PIN4: variants seen among roughly 807,000 people sequenced by gnomAD.
PIN4 encodes the protein peptidyl-prolyl cis-trans isomerase NIMA-interacting 4.
In PIN4, 3 loss-of-function variants were observed where a neutral mutation model predicts 8.3. The observed-to-expected ratio is 0.36, with a 90% CI of 0.16 to 0.93. The LOEUF is 0.93. Among genes scored for constraint, PIN4 ranks in the 40% least tolerant of loss-of-function variants. The pLI is 0.44. For synonymous variants in PIN4, 18 were observed against 32.5 expected (o/e 0.55, Z 1.52); for missense variants, 75 against 100.6 (o/e 0.75, Z 1.09).
At chrX:72,197,083 G>A (rs1446529927) in intron 3 of PIN4, 179 bp downstream of exon 3, 1 of 486,604 alleles carries the variant, frequency 2.1e-6, no homozygotes, top group East Asian at 3.8e-5. Flanking sequence ...CTCAAAAGCA[G>A]AAATGTCCAA....
chrX:72,197,998 T>TA lies in PIN4; in HGVS notation c.*473dup. The TA allele has an allele frequency of 1.6e-5, 12 of 751,530 alleles. No individual in the cohort carries two copies. The highest frequency in any genetic ancestry group is 1.9e-5 in the Non-Finnish European group (12 of 634,869). The allele number at this position is 751,530 out of a possible 1,213,427, so 61.9% of individuals were successfully genotyped here. ...TCTGATCTTCCAGGACAGGTGGTAT[T>TA]AGCTCCACTGTCTTAACATAGTACG... On this transcript the variant is annotated 3_prime_UTR_variant, in exon 4 of 4. Transcript: ENST00000373669.
At chrX:72,242,870 G>A (rs897719669) in intron 3 of PIN4, among the ~76,000 whole-genome samples, 5 of 110,652 alleles carry the variant, frequency 4.5e-5, no homozygotes, top group African/African-American at 1.3e-4. Context: ...AAAAATTAGC[G>A]GGTGTGATGG....
At chrX:72,224,606 C>T (rs981905487) in intron 3 of PIN4, among the ~76,000 whole-genome samples, 2 of 111,021 alleles carry the variant, frequency 1.8e-5, no homozygotes, top group African/African-American at 3.3e-5. Flanking sequence ...ATTAACTGGG[C>T]GTGGTGGTGC....
At chrX:72,214,041 C>T (rs2042985456) in intron 3 of PIN4, among the ~76,000 whole-genome samples, 1 of 112,216 alleles carries the variant, frequency 8.9e-6, no homozygotes, top group African/African-American at 3.2e-5. Flanking sequence ...TTTTGATTCT[C>T]CATCAAAATC....
intron 3 of PIN4, among the ~76,000 whole-genome samples, chrX:72,257,825 C>G (rs960904633): frequency 9.0e-6 from 1 of 111,653 alleles, no homozygotes; most frequent in African/African-American, 3.3e-5. Context: ...TAGGAGTACA[C>G]AGGGCTGTTG....
chrX:72,242,746 T>G (rs2043053638), intron 3 of PIN4, among the ~76,000 whole-genome samples: 1 of 112,803 alleles, frequency 8.9e-6, no homozygotes. Context: ...CTGGGCTCAG[T>G]GGCTCACGCC....
Position 72,246,221 on chromosome X carries a change from C to T in PIN4, c.313-16486C>T, listed in dbSNP as rs181635867. 2.7e-5 allele frequency among the ~76,000 whole-genome samples: 3 copies of T among 112,176 alleles called. No individual in the cohort carries two copies. In the East Asian group the frequency reaches 8.5e-4, roughly 32 times the overall value. On this transcript the variant is annotated intron_variant, in intron 3 of 3. Coordinates refer to the PIN4 transcript ENST00000423432. ...CAGAAACCGGGAAGTGTCTTTGAGG[C>T]CTGCCTCATATTTGCCCCTCAAGTT... is the stretch of plus-strand genomic sequence containing the variant.
At chrX:72,189,648 A>G (rs570502494) in intron 2 of PIN4, among the ~76,000 whole-genome samples, 3 of 111,929 alleles carry the variant, frequency 2.7e-5, no homozygotes, top group South Asian at 3.7e-4. Flanking sequence ...TGACACTCAA[A>G]GTAAATGCTC....
At chrX:72,193,268 C>G (rs2042745544) in intron 2 of PIN4, among the ~76,000 whole-genome samples, 1 of 111,076 alleles carries the variant, frequency 9.0e-6, no homozygotes, top group African/African-American at 3.3e-5. Context: ...CAGACAATCA[C>G]TTTGTGAGTA....
intron 2 of PIN4, among the ~76,000 whole-genome samples, chrX:72,190,507 C>T (rs768747244): frequency 9.0e-6 from 1 of 111,639 alleles, no homozygotes; most frequent in South Asian, 3.7e-4. Context: ...TCCTTGAAAA[C>T]GTCTAGCTGG....
chrX:72,193,378 A>G (rs2042746258), intron 2 of PIN4, among the ~76,000 whole-genome samples: 1 of 110,026 alleles, frequency 9.1e-6, no homozygotes, highest in Non-Finnish European at 1.9e-5. Context: ...GTATTCCAGA[A>G]GAAGGCATTA....
intron 3 of PIN4, chrX:72,205,825 A>G: frequency 8.3e-7 from 1 of 1,211,810 alleles, no homozygotes; most frequent in Non-Finnish European, 1.1e-6. Flanking sequence ...AGAGCCACAC[A>G]AGCTATTTTC....
In PIN4 at chrX:72,192,613, C is replaced by T. The variant is rs76760838; in HGVS notation, c.118-4172C>T. On this transcript the variant is annotated intron_variant, in intron 2 of 3. Coordinates refer to ENST00000373669, the MANE Select transcript of PIN4 (RefSeq NM_006223.4). ...CTTTTTTCTTTTTAAGAGACAGGTT[C>T]TTGCTCTGTCACACAGGCCGGGGTG... is the stretch of plus-strand genomic sequence containing the variant. Among the ~76,000 whole-genome samples, 5 of 110,884 alleles carry T rather than the reference C, an allele frequency of 4.5e-5. No homozygotes were observed. The East Asian group carries it at 1.1e-3, about 25-fold the overall frequency.
intron 2 of PIN4, among the ~76,000 whole-genome samples, chrX:72,195,971 T>C (rs1312121514): frequency 9.2e-6 from 1 of 108,718 alleles, no homozygotes; most frequent in Non-Finnish European, 1.9e-5. Flanking sequence ...ATACAAAAAT[T>C]AGCTGGGCGT....
intron 2 of PIN4, among the ~76,000 whole-genome samples, chrX:72,193,800 G>A (rs997524538): frequency 9.2e-6 from 1 of 108,974 alleles, no homozygotes; most frequent in Admixed American, 9.8e-5. Flanking sequence ...TTGAACCTGG[G>A]AGGCGGAGGT....
At chrX:72,232,284 A>AC (rs2147603779) in intron 3 of PIN4, among the ~76,000 whole-genome samples, 1 of 102,333 alleles carries the variant, frequency 9.8e-6, no homozygotes, top group South Asian at 4.5e-4. Flanking sequence ...AAAAAAAAAA[A>AC]AAAAAAAAAA....
Position 72,198,030 on chromosome X carries a change from G to C in PIN4, c.*504G>C. On this transcript the variant is annotated 3_prime_UTR_variant, in exon 4 of 4. Transcript: ENST00000373669. ...ACTGTCTTAACATAGTACGTGGCACGTTATGCCTTTCAGTGTTAACTCCTT... is the reference window on the plus strand; with the variant it reads ...ACTGTCTTAACATAGTACGTGGCACCTTATGCCTTTCAGTGTTAACTCCTT... The C allele has an allele frequency of 1.3e-6, 1 of 742,514 alleles. No individual in the cohort carries two copies. Among genetic ancestry groups the C allele is most frequent in the Non-Finnish European group, 1.6e-6 (1 of 628,373 alleles). The allele number at this position is 742,514 out of a possible 1,213,427, so 61.2% of individuals were successfully genotyped here. A position where few individuals can be genotyped will look rare whatever the true frequency, so the allele number is the denominator to read the frequency against.
At position 72,262,617 on chromosome X, in the gene PIN4, T is replaced by C. The variant is rs183286045; in HGVS notation, c.313-90T>C. 126 of 536,768 alleles carry C rather than the reference T, an allele frequency of 2.3e-4. No homozygotes were observed. In the East Asian group the frequency reaches 2.6e-3, roughly 11 times the overall value. The allele number at this position is 536,768 out of a possible 1,213,427, so 44.2% of individuals were successfully genotyped here. On this transcript the variant is annotated intron_variant, in intron 3 of 3. Coordinates refer to the PIN4 transcript ENST00000423432. Reference sequence around the variant, plus strand: ...TGGCTCAACTCTTGTCAAGACCCCATGCAGACAAGGGCCCTCCTGTTTATA... The same window carrying C: ...TGGCTCAACTCTTGTCAAGACCCCACGCAGACAAGGGCCCTCCTGTTTATA...
rs2042899102 is a variant in PIN4, at chrX:72,218,307, T to C, written c.312+21403T>C. 2.8e-5 allele frequency among the ~76,000 whole-genome samples: 3 copies of C among 108,272 alleles called. 1 individual carries two copies. The highest frequency in any genetic ancestry group is 4.1e-4 in the South Asian group (1 of 2,431). The allele number at this position is 108,272 out of a possible 115,157, so 94.0% of individuals were successfully genotyped here. A position where few individuals can be genotyped will look rare whatever the true frequency, so the allele number is the denominator to read the frequency against. ...AAAATTAATAATAGAGATGGGGTAT[T>C]GCCATGTTGCCCAGGCTGGTCTCAA... On this transcript the variant is annotated intron_variant, in intron 3 of 3. Transcript: ENST00000423432.
Sources: gnomAD v4.1 joint callset for allele counts (sites outside exome capture counted in the v4.1 genomes callset) on GRCh38, gnomAD v4.1.1 for gene constraint, MANE v1.5 for transcripts, NCBI Gene and HGNC (gene_info 2026-07-23, HGNC 2026-07-21) for gene names.